ZNF407: variants seen among roughly 807,000 people sequenced by gnomAD.
ZNF407 encodes zinc finger protein 407.
In ZNF407, 17 loss-of-function variants were observed where a neutral mutation model predicts 131.2. That is an observed-to-expected ratio of 0.13 (90% CI 0.09 to 0.19). ZNF407 has a LOEUF of 0.19. ZNF407 is among the 10% of genes least tolerant of loss of function. ZNF407 has a pLI of 1.00. For synonymous variants in ZNF407, 1,156 were observed against 1,062.0 expected, an observed-to-expected ratio of 1.09 and a Z score of -1.72; for missense variants, 2,681 against 2,830.6, an observed-to-expected ratio of 0.95 and a Z score of 1.20.
At chr18:74,720,347 A>G (rs78340346) in intron 3 of ZNF407, among the ~76,000 whole-genome samples, 1 of 140,174 alleles carries the variant, frequency 7.1e-6, no homozygotes, top group Non-Finnish European at 1.6e-5. Flanking sequence ...TTTAAATAGG[A>G]TTTTTTTTTT....
intron 3 of ZNF407, among the ~76,000 whole-genome samples, chr18:74,741,135 A>G (rs1478980691): frequency 6.6e-6 from 1 of 152,192 alleles, no homozygotes; most frequent in African/African-American, 2.4e-5. Flanking sequence ...AGTGGATAAT[A>G]TGTAAAACCA....
At chr18:74,930,253 C>G (rs1971966869) in intron 8 of ZNF407, among the ~76,000 whole-genome samples, 1 of 152,174 alleles carries the variant, frequency 6.6e-6, no homozygotes, top group Non-Finnish European at 1.5e-5. Flanking sequence ...GATGTTTACT[C>G]ATGATTTAAT....
chr18:74,956,682 G>A (rs1324211816), intron 8 of ZNF407, among the ~76,000 whole-genome samples: 1 of 152,104 alleles, frequency 6.6e-6, no homozygotes, highest in African/African-American at 2.4e-5. Context: ...TGGAGGAGAG[G>A]CGTGTTGAGC....
intron 8 of ZNF407, among the ~76,000 whole-genome samples, chr18:74,934,676 C>T (rs556523338): frequency 9.9e-5 from 15 of 152,146 alleles, no homozygotes; most frequent in Non-Finnish European, 1.8e-4. Flanking sequence ...CATGGTGGCG[C>T]GTGCCTGTAA....
intron 3 of ZNF407, among the ~76,000 whole-genome samples, chr18:74,756,756 C>G (rs1163907125): frequency 6.6e-6 from 1 of 151,668 alleles, no homozygotes; most frequent in Non-Finnish European, 1.5e-5. Flanking sequence ...GTTTTTTTGA[C>G]TCTTCATTCA....
chr18:74,824,176 C>G (rs1970378615), intron 4 of ZNF407, among the ~76,000 whole-genome samples: 1 of 152,134 alleles, frequency 6.6e-6, no homozygotes, highest in South Asian at 2.1e-4. Context: ...AGAACAAAGA[C>G]ACAACGTACC....
In ZNF407 at chr18:74,934,625, G is replaced by A. The variant is rs572494751; in HGVS notation, c.5428+13933G>A. ...GGAGTTCAAGATCATGGCCAACATG[G>A]CAAAACCCCGTCTCTACTAAAAATA... On this transcript the variant is annotated intron_variant, in intron 8 of 8. Coordinates refer to ENST00000299687, the MANE Select transcript of ZNF407 (RefSeq NM_017757.3). Among the ~76,000 whole-genome samples the A allele has an allele frequency of 2.6e-5, 4 of 152,288 alleles. No homozygotes were observed. The East Asian group carries it at 7.7e-4, about 29-fold the overall frequency.
chr18:74,751,664 T>C (rs568834213), intron 3 of ZNF407, among the ~76,000 whole-genome samples: 1 of 152,240 alleles, frequency 6.6e-6, no homozygotes, highest in Non-Finnish European at 1.5e-5. Flanking sequence ...AAAATGATGG[T>C]TTCCAGCTTC....
At chr18:74,787,551 T>A (rs1469603348) in intron 4 of ZNF407, among the ~76,000 whole-genome samples, 1 of 152,178 alleles carries the variant, frequency 6.6e-6, no homozygotes, top group Non-Finnish European at 1.5e-5. Flanking sequence ...CAAGCTTCTC[T>A]CTTGGTTGGG....
intron 4 of ZNF407, among the ~76,000 whole-genome samples, chr18:74,867,602 C>T (rs1029672888): frequency 6.6e-6 from 1 of 152,148 alleles, no homozygotes; most frequent in Non-Finnish European, 1.5e-5. Context: ...GATTTCTGAA[C>T]CTGTGGCATG....
At chr18:74,685,064 A>G (rs1599067985) in intron 3 of ZNF407, among the ~76,000 whole-genome samples, 1 of 152,202 alleles carries the variant, frequency 6.6e-6, no homozygotes, top group Non-Finnish European at 1.5e-5. Flanking sequence ...TGTCAAAACT[A>G]TATAATTTTT....
chr18:74,787,499 C>T (rs987729732), intron 4 of ZNF407, among the ~76,000 whole-genome samples: 1 of 152,182 alleles, frequency 6.6e-6, no homozygotes, highest in Non-Finnish European at 1.5e-5. Flanking sequence ...GGATTGCAGG[C>T]AGATACTTAT....
chr18:75,017,071 A>G lies in ZNF407; in HGVS notation c.5429-46079A>G, dbSNP rs549908354. Among the ~76,000 whole-genome samples, 6 of 152,268 alleles carry G rather than the reference A, an allele frequency of 3.9e-5. No homozygotes were observed. In the East Asian group the frequency reaches 1.2e-3, roughly 29 times the overall value. ...TCAATTCAGCCATTTTTTTCTTTCCATAAATACTTATTGAGCATCTGCTTA... is the reference window on the plus strand; with the variant it reads ...TCAATTCAGCCATTTTTTTCTTTCCGTAAATACTTATTGAGCATCTGCTTA... On this transcript the variant is annotated intron_variant, in intron 8 of 8. Transcript: ENST00000299687.
intron 1 of ZNF407, 57 bp from the exon 2 acceptor site, chr18:74,630,910 G>C (rs1768665431): frequency 3.8e-6 from 5 of 1,306,524 alleles, no homozygotes; most frequent in Non-Finnish European, 5.1e-6. Context: ...TCTAGTTTTA[G>C]ACTAATACGT....
At chr18:74,783,821 C>T (rs771283058) in intron 4 of ZNF407, among the ~76,000 whole-genome samples, 4 of 152,168 alleles carry the variant, frequency 2.6e-5, no homozygotes, top group Non-Finnish European at 5.9e-5. Flanking sequence ...CTAAACCAAA[C>T]GTCTTTGACT....
intron 5 of ZNF407, among the ~76,000 whole-genome samples, chr18:74,879,690 T>C (rs2145183622): frequency 6.6e-6 from 1 of 152,264 alleles, no homozygotes. Flanking sequence ...GAAGTAAAGA[T>C]AGCAAAAATA....
At chr18:74,938,928 A>T (rs754254898) in intron 8 of ZNF407, among the ~76,000 whole-genome samples, 1 of 152,244 alleles carries the variant, frequency 6.6e-6, no homozygotes, top group Non-Finnish European at 1.5e-5. Context: ...GAAGACAGAC[A>T]GCTCACTCTC....
At chr18:74,838,613 G>A (rs1324807097) in intron 4 of ZNF407, among the ~76,000 whole-genome samples, 2 of 151,906 alleles carry the variant, frequency 1.3e-5, no homozygotes, top group East Asian at 1.9e-4. Flanking sequence ...TTTAATGTGT[G>A]TATGTACTTT....
At chr18:74,904,952 G>GA (rs1430376166) in intron 7 of ZNF407, among the ~76,000 whole-genome samples, 5 of 152,356 alleles carry the variant, frequency 3.3e-5, no homozygotes, top group African/African-American at 1.2e-4. Flanking sequence ...ATTAGCAGTT[G>GA]AAGAGTCACT....
Sources: allele counts gnomAD v4.1 joint callset (sites outside exome capture counted in the v4.1 genomes callset), GRCh38; gene constraint gnomAD v4.1.1; transcripts MANE v1.5; gene names NCBI Gene and HGNC (gene_info 2026-07-23, HGNC 2026-07-21).